Variants in CFAP61 observed in about 807,000 individuals in gnomAD.
CFAP61 encodes cilia and flagella associated protein 61.
In CFAP61, 107 loss-of-function variants were observed where a neutral mutation model predicts 135.6. That is an observed-to-expected ratio of 0.79 (90% CI 0.67 to 0.93). The LOEUF (loss-of-function observed/expected upper bound fraction) is 0.93. Among genes scored for constraint, CFAP61 ranks in the 40% least tolerant of loss-of-function variants. CFAP61 has a pLI of 0.00. For synonymous variants in CFAP61, 575 were observed against 578.5 expected, an observed-to-expected ratio of 0.99 and a Z score of 0.09; for missense variants, 1,507 against 1,556.2, an observed-to-expected ratio of 0.97 and a Z score of 0.53.
chr20:20,110,954 T>A (rs2048764107), intron 8 of CFAP61, among the ~76,000 whole-genome samples: 1 of 152,038 alleles, frequency 6.6e-6, no homozygotes, highest in Non-Finnish European at 1.5e-5. Context: ...GTCAGGAGGA[T>A]GGGAGAAAAT....
chr20:20,287,065 T>C (rs1421037343), intron 22 of CFAP61, among the ~76,000 whole-genome samples: 3 of 152,122 alleles, frequency 2.0e-5, no homozygotes, highest in African/African-American at 7.2e-5. Context: ...ATCTATTTTT[T>C]ATAGAGATGG....
rs1336978931 is a variant in CFAP61 at position 20,360,322 on chromosome 20, A to G, written c.3626A>G (p.Tyr1209Cys). The part of the protein sequence containing the change: ...YLKRVFEESI[Y>C]KTLVERSTLD... Reference sequence around the variant, plus strand: ...AAAAGAGTTTTTGAGGAATCCATCTACAAAACCCTGGTGGAGAGAAGCACT... The same window carrying G: ...AAAAGAGTTTTTGAGGAATCCATCTGCAAAACCCTGGTGGAGAGAAGCACT... The change falls in exon 27 of 27, where the codon TAC becomes TGC. Residue 1209 changes from tyrosine (Y) to cysteine (C), a missense_variant. Tyr to Cys is a radical substitution (Grantham distance 194, BLOSUM62 -2). Coordinates refer to ENST00000245957, the MANE Select transcript of CFAP61 (RefSeq NM_015585.4). The G allele has an allele frequency of 1.9e-6, 3 of 1,613,874 alleles. No homozygotes were observed. The highest frequency in any genetic ancestry group is 1.7e-5 in the Admixed American group (1 of 60,018).
At chr20:20,219,004 TA>T (rs1446478308) in intron 17 of CFAP61, among the ~76,000 whole-genome samples, 1 of 152,218 alleles carries the variant, frequency 6.6e-6, no homozygotes, top group East Asian at 1.9e-4. Context: ...GAAACTAGGT[TA>T]TTTGCTTGAA....
intron 22 of CFAP61, among the ~76,000 whole-genome samples, chr20:20,288,068 A>C (rs1305068318): frequency 6.6e-6 from 1 of 152,166 alleles, no homozygotes; most frequent in Non-Finnish European, 1.5e-5. Context: ...AGGAACCCAG[A>C]CCTAGTAGAT....
chr20:20,073,216 T>G (rs2045842186), intron 3 of CFAP61, among the ~76,000 whole-genome samples: 1 of 152,226 alleles, frequency 6.6e-6, no homozygotes, highest in African/African-American at 2.4e-5. Flanking sequence ...GAGATTATTG[T>G]GGGATTAAAT....
chr20:20,144,471 T>G (rs2051693429), intron 9 of CFAP61, among the ~76,000 whole-genome samples: 1 of 152,150 alleles, frequency 6.6e-6, no homozygotes, highest in Non-Finnish European at 1.5e-5. Flanking sequence ...GCATTGCAGA[T>G]GAAAGATTAG....
Position 20,166,439 on chromosome 20 carries a change from A to G in CFAP61, c.1245+3A>G. On this transcript the variant is annotated splice_donor_region_variant and intron_variant, in intron 12 of 26. Transcript: ENST00000245957. ...ATTTTGTTTTCAGTCTTTTTTCTGT[A>G]AGTACATGCTGAATTTTGAGAACTG... 6.2e-7 allele frequency: 1 copy of G among 1,611,282 alleles called. No individual in the cohort carries two copies. Among genetic ancestry groups the G allele is most frequent in the Non-Finnish European group, 8.5e-7 (1 of 1,177,590 alleles).
At chr20:20,261,638 TTC>T (rs1244121842) in intron 20 of CFAP61, among the ~76,000 whole-genome samples, 1 of 151,960 alleles carries the variant, frequency 6.6e-6, no homozygotes, top group African/African-American at 2.4e-5. Flanking sequence ...GCAATGACAC[TTC>T]TTTGTCTGAT....
chr20:20,088,378 G>T (rs547942990), intron 6 of CFAP61, among the ~76,000 whole-genome samples: 1 of 152,174 alleles, frequency 6.6e-6, no homozygotes, highest in Non-Finnish European at 1.5e-5. Context: ...GTTCTGCAGC[G>T]CTGGGGAGGC....
chr20:20,181,205 G>A (rs28524836), intron 13 of CFAP61, among the ~76,000 whole-genome samples: 1 of 132,658 alleles, frequency 7.5e-6, no homozygotes, highest in East Asian at 2.0e-4. Flanking sequence ...GTATATATAT[G>A]TATATATACA....
At chr20:20,297,598 T>G (rs897125793) in intron 24 of CFAP61, among the ~76,000 whole-genome samples, 5 of 152,172 alleles carry the variant, frequency 3.3e-5, no homozygotes, top group Admixed American at 6.5e-5. Context: ...ATCCACACTT[T>G]TAACAATTTG....
intron 18 of CFAP61, 73 bp from the exon 19 acceptor site, chr20:20,246,044 A>T: frequency 1.1e-6 from 1 of 927,870 alleles, no homozygotes. Context: ...ATATAAAGTT[A>T]AATTGAATTA....
chr20:20,298,104 A>G (rs1405064780), intron 24 of CFAP61, 77 bp from the exon 25 acceptor site: 1 of 957,202 alleles, frequency 1.0e-6, no homozygotes, highest in South Asian at 1.4e-5. Context: ...TATTTGAAAA[A>G]TAAATTGCTA....
In CFAP61 at chr20:20,360,535, A is replaced by T. The variant is rs1569339928; in HGVS notation, c.*125A>T. The stretch of plus-strand genomic sequence containing the variant: ...AAGCCAGCCCCTGGTGGTTTTGTTC[A>T]TTCCTTTCCTTCCCTGACTTATGCC... On this transcript the variant is annotated 3_prime_UTR_variant, in exon 27 of 27. Coordinates refer to ENST00000245957, the MANE Select transcript of CFAP61 (RefSeq NM_015585.4). 1 of 791,160 alleles carries T rather than the reference A, an allele frequency of 1.3e-6. No individual in the cohort carries two copies. Among genetic ancestry groups the T allele is most frequent in the Non-Finnish European group, 2.0e-6 (1 of 493,040 alleles). 49.0% of individuals were successfully genotyped at this position (791,160 alleles called of 1,614,324 possible). A position where few individuals can be genotyped will look rare whatever the true frequency, so the allele number is the denominator to read the frequency against.
chr20:20,251,859 G>A lies in CFAP61; in HGVS notation c.2328+96G>A, dbSNP rs142481261. The A allele has an allele frequency of 3.9e-3, 4,981 of 1,269,990 alleles. 38 individuals are homozygous for A. The highest frequency in any genetic ancestry group is 0.018 in the South Asian group (1,343 of 75,722). 78.7% of individuals were successfully genotyped at this position (1,269,990 alleles called of 1,614,324 possible). The stretch of plus-strand genomic sequence containing the variant: ...GGGGCACACACACTCTGGGTAAAGA[G>A]CATCCCTCTGCCTGGACAGCTGCTG... On this transcript the variant is annotated intron_variant, in intron 20 of 26. Coordinates refer to ENST00000245957, the MANE Select transcript of CFAP61 (RefSeq NM_015585.4).
chr20:20,300,287 T>C (rs188154929), intron 25 of CFAP61, among the ~76,000 whole-genome samples: 27 of 152,268 alleles, frequency 1.8e-4, no homozygotes, highest in African/African-American at 5.8e-4. Flanking sequence ...CTTCTACTTA[T>C]GAAAAAAAAG....
intron 7 of CFAP61, among the ~76,000 whole-genome samples, chr20:20,095,923 C>G (rs6035549): frequency 6.6e-6 from 1 of 152,144 alleles, no homozygotes; most frequent in South Asian, 2.1e-4. Context: ...GTAAATGGAC[C>G]TGTTTGGGAA....
At position 20,070,998 on chromosome 20, in the gene CFAP61, A is replaced by G. The variant is rs1201666830; in HGVS notation, c.288A>G (p.Pro96=). The part of the protein sequence containing the change: ...SVFRELDSDI[P]CTPLNTLFMH... ...TCCGGGAGCTCGACAGTGACATCCC[A>G]TGCACAGTAAGAAATCACATACAGT... Residue 96 remains proline, a synonymous_variant, in exon 3 of 27, where the codon CCA becomes CCG. Transcript: ENST00000245957. 1 of 1,613,556 alleles carries G rather than the reference A, an allele frequency of 6.2e-7. No individual in the cohort carries two copies. Among genetic ancestry groups the G allele is most frequent in the Non-Finnish European group, 8.5e-7 (1 of 1,179,754 alleles).
intron 8 of CFAP61, among the ~76,000 whole-genome samples, chr20:20,108,351 C>A (rs1020624805): frequency 7.2e-5 from 11 of 152,018 alleles, no homozygotes; most frequent in Non-Finnish European, 1.6e-4. Flanking sequence ...TAAGCTTAAT[C>A]ATAATACTAA....
Sources: allele counts gnomAD v4.1 joint callset (sites outside exome capture counted in the v4.1 genomes callset), GRCh38; gene constraint gnomAD v4.1.1; transcripts MANE v1.5; gene names NCBI Gene and HGNC (gene_info 2026-07-23, HGNC 2026-07-21).